Variants in ITM2B observed in about 807,000 individuals in gnomAD.
ITM2B encodes integral membrane protein 2B.
ITM2B carries 11 observed loss-of-function variants against 27.8 expected under a neutral mutation model. That is an observed-to-expected ratio of 0.40 (90% CI 0.25 to 0.66). The LOEUF (loss-of-function observed/expected upper bound fraction) is 0.66. Ranked by LOEUF, ITM2B falls within the 30% of genes least tolerant of loss-of-function variation. The pLI is 0.43. For missense variants in ITM2B, 296 were observed against 328.9 expected (o/e 0.90, Z 0.77); for synonymous variants, 114 against 114.3 (o/e 1.00, Z 0.02).
In ITM2B at chr13:48,256,217, A is replaced by G. The variant is rs1452079464; in HGVS notation, c.287A>G (p.Asp96Gly). The G allele has an allele frequency of 6.2e-6, 10 of 1,613,234 alleles. No homozygotes were observed. Among genetic ancestry groups the G allele is most frequent in the Non-Finnish European group, 8.5e-6 (10 of 1,179,226 alleles). Residue 96 changes from aspartate to glycine, a missense_variant, in exon 3 of 6, where the codon GAT becomes GGT. Physicochemically the swap from Asp to Gly is moderately conservative, Grantham distance 94 (BLOSUM62 -1). Transcript: ENST00000647800. ...VYYCGIKYIK[D>G]DVILNEPSAD... ...TACTGTGGAATAAAGTACATCAAAGATGATGTCATCTTAAATGAGCCCTCT... is the reference window on the plus strand; with the variant it reads ...TACTGTGGAATAAAGTACATCAAAGGTGATGTCATCTTAAATGAGCCCTCT...
Position 48,268,983 on chromosome 13 carries a change from C to A in ITM2B, c.*7759C>A, listed in dbSNP as rs891482735. ...TATCCCTTCAAGTAAACTAGTATAA[C>A]TTGGGTACCTTCTCATATAAATTCC... On this transcript the variant is annotated 3_prime_UTR_variant, in exon 6 of 6. Transcript: ENST00000647800. 1 of 152,158 alleles carries A rather than the reference C, an allele frequency of 6.6e-6. No homozygotes were observed. Among genetic ancestry groups the A allele is most frequent in the Non-Finnish European group, 1.5e-5 (1 of 68,038 alleles). 9.4% of individuals were successfully genotyped at this position (152,158 alleles called of 1,614,324 possible). A position where few individuals can be genotyped will look rare whatever the true frequency, so the allele number is the denominator to read the frequency against.
rs1951856641 is a variant in ITM2B, at chr13:48,266,918, G to A, written c.*5694G>A. 1.3e-5 allele frequency: 2 copies of A among 152,286 alleles called. No individual in the cohort carries two copies. Among genetic ancestry groups the A allele is most frequent in the South Asian group, 4.1e-4 (2 of 4,828 alleles). The allele number at this position is 152,286 out of a possible 1,614,324, so 9.4% of individuals were successfully genotyped here. On this transcript the variant is annotated 3_prime_UTR_variant, in exon 6 of 6. Coordinates refer to ENST00000647800, the MANE Select transcript of ITM2B (RefSeq NM_021999.5). ...CTTCTAGGATAGTATTTTTGGGCCAGATGGTTTTCCACATTTAAAACATAC... is the reference window on the plus strand; with the variant it reads ...CTTCTAGGATAGTATTTTTGGGCCAAATGGTTTTCCACATTTAAAACATAC...
At chr13:48,255,279 G>A (rs1011339128) in intron 2 of ITM2B, among the ~76,000 whole-genome samples, 1 of 151,888 alleles carries the variant, frequency 6.6e-6, no homozygotes, top group Admixed American at 6.6e-5. Flanking sequence ...GTGCGCGCAC[G>A]TGTACATGTA....
intron 1 of ITM2B, among the ~76,000 whole-genome samples, chr13:48,247,999 A>G (rs1365251534): frequency 6.6e-6 from 1 of 152,128 alleles, no homozygotes; most frequent in Non-Finnish European, 1.5e-5. Context: ...ATTGCAGTAG[A>G]AGGGAGGAAA....
chr13:48,235,854 C>A (rs1951665222), intron 1 of ITM2B, among the ~76,000 whole-genome samples: 1 of 152,180 alleles, frequency 6.6e-6, no homozygotes, highest in Non-Finnish European at 1.5e-5. Flanking sequence ...ATCCCGCAGA[C>A]CATTGTTTTC....
rs1388538897 is a variant in ITM2B at position 48,265,397 on chromosome 13, CCA to C, written c.*4176_*4177del. ...ATTTAAGAAACCCAAGCCAGAAACC[CCA>C]CAGTCTTCACAGTCACTGTGTCCTC... On this transcript the variant is annotated 3_prime_UTR_variant, in exon 6 of 6. Transcript: ENST00000647800. 2.6e-5 allele frequency: 4 copies of C among 152,248 alleles called. No individual in the cohort carries two copies. Among genetic ancestry groups the C allele is most frequent in the Admixed American group, 6.6e-5 (1 of 15,262 alleles). The allele number at this position is 152,248 out of a possible 1,614,324, so 9.4% of individuals were successfully genotyped here.
intron 1 of ITM2B, among the ~76,000 whole-genome samples, chr13:48,237,378 A>C (rs1479493775): frequency 2.0e-5 from 3 of 152,238 alleles, no homozygotes; most frequent in African/African-American, 7.2e-5. Flanking sequence ...GCGTCTGTGC[A>C]TCCCAAATGC....
intron 1 of ITM2B, among the ~76,000 whole-genome samples, chr13:48,243,087 A>T (rs892796387): frequency 6.6e-6 from 1 of 152,226 alleles, no homozygotes; most frequent in East Asian, 1.9e-4. Flanking sequence ...CTGAATTACC[A>T]TTAGCATTAA....
chr13:48,265,221 T>A lies in ITM2B; in HGVS notation c.*3997T>A, dbSNP rs1951845577. The A allele has an allele frequency of 6.6e-6, 1 of 152,292 alleles. No homozygotes were observed. The highest frequency in any genetic ancestry group is 2.1e-4 in the South Asian group (1 of 4,830). 9.4% of individuals were successfully genotyped at this position (152,292 alleles called of 1,614,324 possible). Reference sequence around the variant, plus strand: ...AAATGTTCCCGCCCTTCTACCATCCTCCTTCCTCAGTCCCATTCCCCAACA... The same window carrying A: ...AAATGTTCCCGCCCTTCTACCATCCACCTTCCTCAGTCCCATTCCCCAACA... On this transcript the variant is annotated 3_prime_UTR_variant, in exon 6 of 6. Transcript: ENST00000647800.
At chr13:48,258,704 A>G (rs767410141) in intron 4 of ITM2B, 93 bp from the exon 5 acceptor site, 104 of 1,179,828 alleles carry the variant, frequency 8.8e-5, no homozygotes, top group Non-Finnish European at 1.2e-4. Flanking sequence ...AACCTGTTCC[A>G]TACCATAATG....
chr13:48,236,669 AAGG>A (rs1951670594), intron 1 of ITM2B, among the ~76,000 whole-genome samples: 1 of 152,178 alleles, frequency 6.6e-6, no homozygotes, highest in Middle Eastern at 3.2e-3. Context: ...GTCAAAGAGA[AAGG>A]AGATGGGTAG....
intron 1 of ITM2B, among the ~76,000 whole-genome samples, chr13:48,252,229 C>T (rs896597706): frequency 1.3e-5 from 2 of 152,206 alleles, no homozygotes; most frequent in Non-Finnish European, 2.9e-5. Context: ...TAAAGTTCCT[C>T]ATTTTAGAAT....
chr13:48,244,473 G>A (rs1443672336), intron 1 of ITM2B, among the ~76,000 whole-genome samples: 1 of 152,106 alleles, frequency 6.6e-6, no homozygotes, highest in East Asian at 1.9e-4. Context: ...CTGATCTTTA[G>A]AACTATTTTT....
chr13:48,244,073 A>T (rs1951713238), intron 1 of ITM2B, among the ~76,000 whole-genome samples: 2 of 152,170 alleles, frequency 1.3e-5, no homozygotes, highest in Non-Finnish European at 1.5e-5. Flanking sequence ...TTATCTGTAA[A>T]TGATGTATTG....
chr13:48,233,300 GGAGCCCGCAGCCCGCGCCCC>G lies in ITM2B; in HGVS notation c.-52_-33del, dbSNP rs910348564. 24 of 1,110,146 alleles carry G rather than the reference GGAGCCCGCAGCCCGCGCCCC, an allele frequency of 2.2e-5. 1 individual carries two copies. The Middle Eastern group carries it at 1.1e-3, about 52-fold the overall frequency. 68.8% of individuals were successfully genotyped at this position (1,110,146 alleles called of 1,614,324 possible). A position where few individuals can be genotyped will look rare whatever the true frequency, so the allele number is the denominator to read the frequency against. On this transcript the variant is annotated 5_prime_UTR_variant, in exon 1 of 6. Transcript: ENST00000647800. ...GCCGTAGAGGCTGCAATCGCAGCCG[GGAGCCCGCAGCCCGCGCCCC>G]GAGCCCGCCGCCGCCCTTCGAGGGC... is the stretch of plus-strand genomic sequence containing the variant.
At chr13:48,251,273 C>G (rs750452194) in intron 1 of ITM2B, among the ~76,000 whole-genome samples, 3 of 152,172 alleles carry the variant, frequency 2.0e-5, no homozygotes, top group Non-Finnish European at 2.9e-5. Context: ...TCCTTTAACT[C>G]TATCTTCTGC....
chr13:48,256,030 T>TGTTAA, intron 2 of ITM2B, 147 bp from the exon 3 acceptor site: 1 of 673,942 alleles, frequency 1.5e-6, no homozygotes, highest in East Asian at 2.7e-5. Flanking sequence ...ATATGTTAAC[T>TGTTAA]CTGTAATTAA....
intron 3 of ITM2B, among the ~76,000 whole-genome samples, chr13:48,257,286 G>A (rs141259825): frequency 6.6e-6 from 1 of 152,114 alleles, no homozygotes; most frequent in Admixed American, 6.5e-5. Context: ...CAGATAAGAG[G>A]GACTACTGTA....
chr13:48,241,557 T>G (rs563486317), intron 1 of ITM2B, among the ~76,000 whole-genome samples: 1 of 152,296 alleles, frequency 6.6e-6, no homozygotes, highest in South Asian at 2.1e-4. Flanking sequence ...TCAGTGGTTG[T>G]TAAACATTTT....
Sources: allele counts gnomAD v4.1 joint callset (sites outside exome capture counted in the v4.1 genomes callset), GRCh38; gene constraint gnomAD v4.1.1; transcripts MANE v1.5; gene names NCBI Gene and HGNC (gene_info 2026-07-23, HGNC 2026-07-21).